Variants in ASIC2 observed in about 807,000 individuals in gnomAD.
The protein encoded by ASIC2 is acid-sensing ion channel 2.
A neutral mutation model predicts 57.3 loss-of-function variants in ASIC2; 25 were observed. The ratio of observed to expected loss-of-function variants is 0.44; its 90% CI spans 0.32 to 0.61. ASIC2 has a LOEUF of 0.61. Ranked by LOEUF, ASIC2 falls within the 20% of genes least tolerant of loss-of-function variation. The pLI is 0.06. For synonymous variants in ASIC2, 319 were observed against 307.5 expected (o/e 1.04, Z -0.39); for missense variants, 641 against 738.1 (o/e 0.87, Z 1.52).
chr17:34,001,336 T>C (rs1473684301), intron 1 of ASIC2: 4 of 152,602 alleles, frequency 2.6e-5, no homozygotes. Flanking sequence ...TCCTAGAGAC[T>C]GGTCCACTGG....
At chr17:33,632,695 G>A (rs1452455164) in intron 1 of ASIC2, among the ~76,000 whole-genome samples, 4 of 152,118 alleles carry the variant, frequency 2.6e-5, no homozygotes, top group Non-Finnish European at 4.4e-5. Context: ...GGCTCCCAAA[G>A]TGCAAAGATT....
intron 1 of ASIC2, among the ~76,000 whole-genome samples, chr17:34,050,594 T>G (rs1908520842): frequency 6.6e-6 from 1 of 152,224 alleles, no homozygotes; most frequent in Non-Finnish European, 1.5e-5. Context: ...CTGATATCTA[T>G]TTTTAGTTTC....
chr17:33,192,994 G>T (rs1195047053), intron 1 of ASIC2, among the ~76,000 whole-genome samples: 3 of 152,162 alleles, frequency 2.0e-5, no homozygotes, highest in South Asian at 4.1e-4. Context: ...ACCACCTGTG[G>T]TCTGGAGGGC....
At chr17:34,087,868 C>T (rs549536198) in intron 1 of ASIC2, among the ~76,000 whole-genome samples, 3 of 152,322 alleles carry the variant, frequency 2.0e-5, no homozygotes, top group East Asian at 3.9e-4. Flanking sequence ...ACATAGTTCT[C>T]GAGCCTTGGC....
chr17:33,318,541 G>C (rs1243590850), intron 1 of ASIC2, among the ~76,000 whole-genome samples: 2 of 152,222 alleles, frequency 1.3e-5, no homozygotes, highest in African/African-American at 4.8e-5. Context: ...TTTTCCAGGG[G>C]AGAAGCTTTC....
chr17:33,686,015 G>T (rs1314021375), intron 1 of ASIC2, among the ~76,000 whole-genome samples: 1 of 152,162 alleles, frequency 6.6e-6, no homozygotes, highest in African/African-American at 2.4e-5. Context: ...ATGAGCGTGG[G>T]CCAAGGCTGT....
chr17:34,142,588 T>A (rs1912301672), intron 1 of ASIC2, among the ~76,000 whole-genome samples: 1 of 152,204 alleles, frequency 6.6e-6, no homozygotes, highest in African/African-American at 2.4e-5. Flanking sequence ...AGATAGTATA[T>A]GAATCAATAA....
intron 1 of ASIC2, among the ~76,000 whole-genome samples, chr17:33,908,596 A>G (rs1179779978): frequency 6.6e-6 from 1 of 152,180 alleles, no homozygotes; most frequent in Admixed American, 6.5e-5. Flanking sequence ...CTTGAAACAC[A>G]TATCACTACA....
intron 1 of ASIC2, among the ~76,000 whole-genome samples, chr17:33,239,560 A>G (rs1057104374): frequency 1.3e-5 from 2 of 152,220 alleles, no homozygotes; most frequent in Admixed American, 1.3e-4. Context: ...ATACTGGCAC[A>G]CAGTAAGAGT....
At chr17:33,306,820 A>G (rs1597675366) in intron 1 of ASIC2, among the ~76,000 whole-genome samples, 1 of 152,136 alleles carries the variant, frequency 6.6e-6, no homozygotes, top group East Asian at 1.9e-4. Context: ...TACTGTACAC[A>G]TTCATAATCT....
chr17:33,884,328 G>T (rs188126387), intron 1 of ASIC2, among the ~76,000 whole-genome samples: 1 of 152,130 alleles, frequency 6.6e-6, no homozygotes, highest in Non-Finnish European at 1.5e-5. Flanking sequence ...CTCTGGGAAC[G>T]CCATTTCCCT....
At chr17:33,195,770 G>C (rs1654340598) in intron 1 of ASIC2, among the ~76,000 whole-genome samples, 1 of 152,186 alleles carries the variant, frequency 6.6e-6, no homozygotes, top group Non-Finnish European at 1.5e-5. Context: ...CAGGGTCATA[G>C]TTCTGGCCTG....
At chr17:33,914,526 C>T (rs1915542718) in intron 1 of ASIC2, among the ~76,000 whole-genome samples, 1 of 152,186 alleles carries the variant, frequency 6.6e-6, no homozygotes, top group South Asian at 2.1e-4. Flanking sequence ...AGTTTTACAA[C>T]TGCAGGAACA....
chr17:33,131,141 A>G (rs2092344528), intron 1 of ASIC2, among the ~76,000 whole-genome samples: 1 of 152,220 alleles, frequency 6.6e-6, no homozygotes, highest in East Asian at 1.9e-4. Context: ...ATGCAAAGAC[A>G]GGATCCAATG....
rs115091323 is a variant in ASIC2 at position 33,154,114 on chromosome 17, A to T, written c.709-42047T>A. 4.9e-3 allele frequency among the ~76,000 whole-genome samples: 746 copies of T among 152,298 alleles called. 6 individuals carry two copies. Among genetic ancestry groups the T allele is most frequent in the African/African-American group, 0.017 (709 of 41,554 alleles). On this transcript the variant is annotated intron_variant, in intron 1 of 9. Coordinates refer to ENST00000225823, the MANE Select transcript of ASIC2 (RefSeq NM_183377.2). ...TTTGCCTGAGATGTAGGACCAAGAC[A>T]GTCCTGGGCAACTAGGATCCTACAG...
At chr17:33,916,160 T>C (rs189430399) in intron 1 of ASIC2, among the ~76,000 whole-genome samples, 2 of 152,318 alleles carry the variant, frequency 1.3e-5, no homozygotes, top group Admixed American at 1.3e-4. Context: ...CATATGAGAT[T>C]TGGTTTGGCT....
At chr17:33,168,367 A>G (rs1905384440) in intron 1 of ASIC2, among the ~76,000 whole-genome samples, 2 of 152,236 alleles carry the variant, frequency 1.3e-5, no homozygotes, top group Admixed American at 6.5e-5. Flanking sequence ...AAGCAGGCAG[A>G]AAAAGCCTGT....
At chr17:33,975,085 C>T (rs985563266) in intron 1 of ASIC2, among the ~76,000 whole-genome samples, 7 of 152,300 alleles carry the variant, frequency 4.6e-5, no homozygotes, top group South Asian at 4.2e-4. Context: ...GTGTCTGACA[C>T]GTGGCAGGCA....
chr17:33,679,782 C>T (rs949668579), intron 1 of ASIC2, among the ~76,000 whole-genome samples: 10 of 152,158 alleles, frequency 6.6e-5, no homozygotes, highest in African/African-American at 2.4e-4. Context: ...AATGCAAAGG[C>T]CTCGAGGCGG....
Sources: allele counts gnomAD v4.1 joint callset (sites outside exome capture counted in the v4.1 genomes callset), GRCh38; gene constraint gnomAD v4.1.1; transcripts MANE v1.5; gene names NCBI Gene and HGNC (gene_info 2026-07-23, HGNC 2026-07-21).